The following CDK14 variants were observed in gnomAD, a reference collection of about 807,000 sequenced individuals.
CDK14 encodes cyclin dependent kinase 14, also known as cyclin-dependent kinase 14.
A neutral mutation model predicts 60.7 loss-of-function variants in CDK14; 34 were observed. The ratio of observed to expected loss-of-function variants is 0.56; its 90% CI spans 0.43 to 0.75. CDK14 has a LOEUF of 0.75. CDK14 is among the 30% of genes least tolerant of loss of function. CDK14 has a pLI of 0.00. For synonymous variants in CDK14, 197 were observed against 203.7 expected (o/e 0.97, Z 0.28); for missense variants, 482 against 564.1 (o/e 0.85, Z 1.47).
intron 7 of CDK14, among the ~76,000 whole-genome samples, chr7:90,914,481 A>G (rs1372412051): frequency 6.6e-6 from 1 of 152,104 alleles, no homozygotes; most frequent in East Asian, 1.9e-4. Context: ...TCCTCTTGGC[A>G]TCCCTCTTGC....
chr7:90,865,547 G>A (rs1791150673), intron 6 of CDK14, among the ~76,000 whole-genome samples: 1 of 152,054 alleles, frequency 6.6e-6, no homozygotes, highest in Admixed American at 6.6e-5. Flanking sequence ...GCAGTGGAAA[G>A]GCAATAATAA....
intron 2 of CDK14, among the ~76,000 whole-genome samples, chr7:90,634,935 T>C (rs1309720104): frequency 6.6e-6 from 1 of 152,210 alleles, no homozygotes; most frequent in Non-Finnish European, 1.5e-5. Context: ...TGTCTTCTTT[T>C]GAGAAGTGTC....
chr7:90,884,074 G>C (rs1791862588), intron 6 of CDK14, among the ~76,000 whole-genome samples: 1 of 152,158 alleles, frequency 6.6e-6, no homozygotes, highest in Non-Finnish European at 1.5e-5. Context: ...TATAGTGTTG[G>C]AAGTTCTGGC....
At chr7:91,181,544 T>C (rs1426303221) in intron 14 of CDK14, among the ~76,000 whole-genome samples, 1 of 152,218 alleles carries the variant, frequency 6.6e-6, no homozygotes, top group African/African-American at 2.4e-5. Flanking sequence ...ATCAGTTCTT[T>C]ATAGTTTATT....
intron 12 of CDK14, among the ~76,000 whole-genome samples, chr7:91,094,004 A>G (rs573611366): frequency 2.0e-5 from 3 of 152,220 alleles, no homozygotes; most frequent in East Asian, 3.9e-4. Flanking sequence ...GATGGCAGCA[A>G]TAGACACTGG....
chr7:91,175,178 C>A (rs1801685135), intron 14 of CDK14, among the ~76,000 whole-genome samples: 1 of 151,632 alleles, frequency 6.6e-6, no homozygotes, highest in South Asian at 2.1e-4. Context: ...AAAGAATTTT[C>A]AACCCAGAAT....
chr7:90,774,040 A>C (rs1472786495), intron 4 of CDK14, among the ~76,000 whole-genome samples: 1 of 151,730 alleles, frequency 6.6e-6, no homozygotes, highest in Non-Finnish European at 1.5e-5. Flanking sequence ...AGTAGCTGGA[A>C]TTACAGGCGC....
intron 10 of CDK14, among the ~76,000 whole-genome samples, chr7:90,993,439 C>G (rs1041429433): frequency 2.0e-5 from 3 of 151,708 alleles, no homozygotes; most frequent in Non-Finnish European, 4.4e-5. Context: ...CTGGATGGAT[C>G]AAGGTATTGG....
intron 13 of CDK14, among the ~76,000 whole-genome samples, chr7:91,116,678 G>T (rs79463450): frequency 0.018 from 2,789 of 152,136 alleles, 74 homozygotes; most frequent in African/African-American, 0.063. Flanking sequence ...AGGCTTTTGT[G>T]TCCACAACGC....
Position 91,100,462 on chromosome 7 carries a change from T to C in CDK14, c.1155-12080T>C, listed in dbSNP as rs181088662. Among the ~76,000 whole-genome samples the C allele has an allele frequency of 3.7e-4, 57 of 152,256 alleles. 1 individual carries two copies. In the Middle Eastern group the frequency reaches 0.01, roughly 27 times the overall value. On this transcript the variant is annotated intron_variant, in intron 12 of 14. Coordinates refer to ENST00000380050, the MANE Select transcript of CDK14 (RefSeq NM_001287135.2). Reference sequence around the variant, plus strand: ...TACTTTTGTAGGAGTTAAATGAAAATAAGTTTAAATAAACGAGGGCTCTTG... The same window carrying C: ...TACTTTTGTAGGAGTTAAATGAAAACAAGTTTAAATAAACGAGGGCTCTTG...
At chr7:90,764,565 A>G (rs1804472989) in intron 4 of CDK14, among the ~76,000 whole-genome samples, 1 of 152,202 alleles carries the variant, frequency 6.6e-6, no homozygotes, top group Non-Finnish European at 1.5e-5. Context: ...CAATTTGCAT[A>G]GAGTAATTCA....
intron 5 of CDK14, among the ~76,000 whole-genome samples, chr7:90,799,380 A>T (rs1442590595): frequency 6.6e-6 from 1 of 152,122 alleles, no homozygotes; most frequent in African/African-American, 2.4e-5. Context: ...TAACGCTAGC[A>T]TGTGGTAGAG....
rs17163321 is a variant in CDK14 at position 90,887,420 on chromosome 7, A to G, written c.640-11871A>G. Among the ~76,000 whole-genome samples the G allele has an allele frequency of 8.6e-3, 1,308 of 152,324 alleles. 29 individuals carry two copies. The highest frequency in any genetic ancestry group is 0.03 in the African/African-American group (1,227 of 41,580). ...AATAGCAATATAATTTGCCTCTTTC[A>G]TCATATGTAGCAAACAGATAGTTCA... On this transcript the variant is annotated intron_variant, in intron 6 of 14. Coordinates refer to ENST00000380050, the MANE Select transcript of CDK14 (RefSeq NM_001287135.2).
intron 5 of CDK14, among the ~76,000 whole-genome samples, chr7:90,831,691 T>G (rs1584023529): frequency 3.9e-5 from 1 of 25,628 alleles, no homozygotes; most frequent in Admixed American, 5.9e-4. Context: ...CACTTGACTG[T>G]TTTTTTTTTC....
At chr7:91,191,806 A>C (rs1224896338) in intron 14 of CDK14, among the ~76,000 whole-genome samples, 6 of 152,120 alleles carry the variant, frequency 3.9e-5, no homozygotes, top group African/African-American at 1.4e-4. Flanking sequence ...TGCCTTCTTC[A>C]TTTGATGCTC....
intron 12 of CDK14, among the ~76,000 whole-genome samples, chr7:91,103,535 G>A (rs1799200707): frequency 6.6e-6 from 1 of 152,122 alleles, no homozygotes; most frequent in African/African-American, 2.4e-5. Context: ...TTTCATTGGT[G>A]GCAGAGCAGG....
intron 5 of CDK14, among the ~76,000 whole-genome samples, chr7:90,828,348 A>G (rs1425296651): frequency 3.3e-5 from 5 of 152,186 alleles, no homozygotes; most frequent in South Asian, 2.1e-4. Flanking sequence ...ACCATTTTGT[A>G]TAGTCAGTAT....
intron 14 of CDK14, among the ~76,000 whole-genome samples, chr7:91,201,651 G>A (rs1307247782): frequency 6.6e-6 from 1 of 152,132 alleles, no homozygotes; most frequent in African/African-American, 2.4e-5. Flanking sequence ...CCTCAGCGAT[G>A]TTGTCCCTCC....
intron 2 of CDK14, among the ~76,000 whole-genome samples, chr7:90,626,976 A>C (rs1799889119): frequency 6.6e-6 from 1 of 151,892 alleles, no homozygotes; most frequent in Admixed American, 6.6e-5. Context: ...AAAAACAAAA[A>C]CAAAAACAAA....
Sources: gnomAD v4.1 joint callset for allele counts (sites outside exome capture counted in the v4.1 genomes callset) on GRCh38, gnomAD v4.1.1 for gene constraint, MANE v1.5 for transcripts, NCBI Gene and HGNC (gene_info 2026-07-23, HGNC 2026-07-21) for gene names.